Variants in NLGN1 observed in about 807,000 individuals in gnomAD.
The protein encoded by NLGN1 is neuroligin-1.
NLGN1 carries 12 observed loss-of-function variants against 65.5 expected under a neutral mutation model. The ratio of observed to expected loss-of-function variants is 0.18; its 90% CI spans 0.12 to 0.30. NLGN1 has a LOEUF of 0.30. Ranked by LOEUF, NLGN1 falls within the 10% of genes least tolerant of loss-of-function variation. The pLI is 1.00. For synonymous variants in NLGN1, 350 were observed against 359.5 expected, an observed-to-expected ratio of 0.97 and a Z score of 0.30; for missense variants, 750 against 1,007.1, an observed-to-expected ratio of 0.74 and a Z score of 3.46.
chr3:174,165,693 A>G (rs1337603872), intron 4 of NLGN1, among the ~76,000 whole-genome samples: 2 of 152,040 alleles, frequency 1.3e-5, no homozygotes, highest in Non-Finnish European at 2.9e-5. Context: ...CTTTGGTATC[A>G]TGGTGAGTCT....
intron 4 of NLGN1, among the ~76,000 whole-genome samples, chr3:173,939,393 G>A (rs1055825767): frequency 1.3e-4 from 19 of 151,962 alleles, no homozygotes; most frequent in African/African-American, 4.6e-4. Context: ...TTATCTCGTG[G>A]GTTAAAATCA....
chr3:174,290,300 C>T (rs1349064533), downstream of NLGN1, among the ~76,000 whole-genome samples: 1 of 150,674 alleles, frequency 6.6e-6, no homozygotes, highest in Non-Finnish European at 1.5e-5. Context: ...TGTAGGATAA[C>T]ATTGAACCCA....
intron 2 of NLGN1, among the ~76,000 whole-genome samples, chr3:173,466,373 TA>T (rs1724360196): frequency 6.6e-6 from 1 of 152,076 alleles, no homozygotes; most frequent in Non-Finnish European, 1.5e-5. Context: ...AAATAAAAAA[TA>T]AAAAGCCCTG....
chr3:173,782,325 T>G (rs2150325347), intron 3 of NLGN1, among the ~76,000 whole-genome samples: 1 of 152,220 alleles, frequency 6.6e-6, no homozygotes, highest in African/African-American at 2.4e-5. Context: ...GCAAATTAAT[T>G]GAATGCATTA....
chr3:173,587,294 A>G (rs181223889), intron 2 of NLGN1, among the ~76,000 whole-genome samples: 2 of 152,290 alleles, frequency 1.3e-5, no homozygotes, highest in African/African-American at 4.8e-5. Context: ...TCTTTGTTAT[A>G]ATCTACTTGG....
intron 2 of NLGN1, among the ~76,000 whole-genome samples, chr3:173,588,444 A>T (rs746103296): frequency 2.0e-5 from 3 of 152,184 alleles, no homozygotes; most frequent in Non-Finnish European, 1.5e-5. Context: ...AACAAAGTAA[A>T]ATCAAACAAA....
At chr3:173,678,238 G>A (rs1046950272) in intron 3 of NLGN1, among the ~76,000 whole-genome samples, 8 of 152,058 alleles carry the variant, frequency 5.3e-5, no homozygotes, top group Non-Finnish European at 1.0e-4. Flanking sequence ...TGTTTATCTG[G>A]ATTTGTTCTA....
intron 1 of NLGN1, among the ~76,000 whole-genome samples, chr3:173,428,205 A>G (rs1351170997): frequency 6.6e-6 from 1 of 151,670 alleles, no homozygotes. Flanking sequence ...TTTATAGGTG[A>G]AGTGAGTTTC....
In NLGN1 at chr3:173,901,835, G is replaced by A. The variant is rs1491705; in HGVS notation, c.646+94003G>A. ...TCAAGAAATCTGAGCTGAATTGAAA[G>A]GACGTACTGCAGTTGCTGTGTCAGA... On this transcript the variant is annotated intron_variant, in intron 4 of 6. Transcript: ENST00000457714. Among the ~76,000 whole-genome samples the A allele has an allele frequency of 2.6e-3, 399 of 152,134 alleles. 1 individual carries two copies. The highest frequency in any genetic ancestry group is 4.4e-3 in the Non-Finnish European group (299 of 67,928).
At chr3:173,791,719 C>T (rs755271184) in intron 3 of NLGN1, among the ~76,000 whole-genome samples, 13 of 151,928 alleles carry the variant, frequency 8.6e-5, no homozygotes, top group Non-Finnish European at 1.3e-4. Flanking sequence ...TTTTCCTTTT[C>T]TCTGCTTGTC....
chr3:173,763,430 G>A (rs1303600372), intron 3 of NLGN1, among the ~76,000 whole-genome samples: 5 of 152,072 alleles, frequency 3.3e-5, no homozygotes, highest in Non-Finnish European at 7.4e-5. Context: ...ATGCCCTGTT[G>A]AATAAAATGG....
At chr3:174,181,992 A>G (rs1029859160) in intron 4 of NLGN1, among the ~76,000 whole-genome samples, 2 of 151,068 alleles carry the variant, frequency 1.3e-5, no homozygotes, top group Non-Finnish European at 3.0e-5. Context: ...AAAAAAAAAA[A>G]AAAAAAAAAG....
intron 2 of NLGN1, among the ~76,000 whole-genome samples, chr3:173,441,072 C>T (rs771561731): frequency 2.0e-5 from 3 of 152,208 alleles, no homozygotes; most frequent in Non-Finnish European, 2.9e-5. Flanking sequence ...TTTCCTTCAA[C>T]CTCATGAACC....
Position 173,623,668 on chromosome 3 carries a change from G to A in NLGN1, c.493+18577G>A, listed in dbSNP as rs114469203. On this transcript the variant is annotated intron_variant, in intron 3 of 6. Coordinates refer to ENST00000457714, the Ensembl canonical transcript of NLGN1. ...TTGATTGGGACATATTGTGAAGGGC[G>A]TTGAATGCCAGTGTGAGGATTTTAA... Among the ~76,000 whole-genome samples the A allele has an allele frequency of 9.4e-3, 1,423 of 152,156 alleles. 19 individuals are homozygous for A. The highest frequency in any genetic ancestry group is 0.032 in the African/African-American group (1,339 of 41,528).
chr3:173,640,858 A>G (rs1757308808), intron 3 of NLGN1, among the ~76,000 whole-genome samples: 1 of 152,194 alleles, frequency 6.6e-6, no homozygotes, highest in Non-Finnish European at 1.5e-5. Flanking sequence ...ACACTTTGGC[A>G]AGAATATTAC....
In NLGN1 at chr3:174,144,677, CT is replaced by C. The variant is rs773885665; in HGVS notation, c.647-130631del. Among the ~76,000 whole-genome samples, 30 of 152,274 alleles carry C rather than the reference CT, an allele frequency of 2.0e-4. No homozygotes were observed. The East Asian group carries it at 5.2e-3, about 27-fold the overall frequency. ...TTCTCTAATGACCAGTGATGATGAG[CT>C]TTTTTTCATATGTTTGTTGGCCACA... On this transcript the variant is annotated intron_variant, in intron 4 of 6. Coordinates refer to ENST00000457714, the Ensembl canonical transcript of NLGN1.
chr3:173,819,067 G>A (rs1373952247), intron 4 of NLGN1, among the ~76,000 whole-genome samples: 1 of 150,894 alleles, frequency 6.6e-6, no homozygotes, highest in Non-Finnish European at 1.5e-5. Context: ...CTTTAGAAAG[G>A]GATTTCTAAA....
intron 3 of NLGN1, among the ~76,000 whole-genome samples, chr3:173,642,951 AT>A (rs1306245943): frequency 6.6e-6 from 1 of 152,208 alleles, no homozygotes; most frequent in Non-Finnish European, 1.5e-5. Context: ...TGTATTAAAT[AT>A]TTTTAAGTTA....
At chr3:174,118,962 T>C (rs953368062) in intron 4 of NLGN1, among the ~76,000 whole-genome samples, 14 of 152,130 alleles carry the variant, frequency 9.2e-5, no homozygotes, top group African/African-American at 3.4e-4. Flanking sequence ...CTCTATAATC[T>C]TCTAGAAAGG....
Sources: allele counts gnomAD v4.1 joint callset (sites outside exome capture counted in the v4.1 genomes callset), GRCh38; gene constraint gnomAD v4.1.1; transcripts MANE v1.5; gene names NCBI Gene and HGNC (gene_info 2026-07-23, HGNC 2026-07-21).